Variants in MTMR2 observed in about 807,000 individuals in gnomAD.
MTMR2 encodes myotubularin related protein 2, also known as phosphatidylinositol-3,5-bisphosphate 3-phosphatase MTMR2.
MTMR2 carries 55 observed loss-of-function variants against 86.9 expected under a neutral mutation model. That is an observed-to-expected ratio of 0.63 (90% confidence interval 0.51 to 0.79). The LOEUF is 0.79. MTMR2 is among the 30% of genes least tolerant of loss of function. MTMR2 has a pLI of 0.00. For synonymous variants in MTMR2, 241 were observed against 266.8 expected (o/e 0.90, Z 0.94); for missense variants, 659 against 772.3 (o/e 0.85, Z 1.74).
At chr11:95,854,019 C>T (rs1300956549) in intron 7 of MTMR2, among the ~76,000 whole-genome samples, 1 of 152,120 alleles carries the variant, frequency 6.6e-6, no homozygotes, top group East Asian at 1.9e-4. Flanking sequence ...CCACTGTTCT[C>T]ATGGGGAATG....
intron 1 of MTMR2, among the ~76,000 whole-genome samples, chr11:95,910,665 A>T (rs1262590961): frequency 6.6e-6 from 1 of 152,152 alleles, no homozygotes; most frequent in Non-Finnish European, 1.5e-5. Context: ...TTCCGTAAAA[A>T]GAAAAGGTTC....
At position 95,833,688 on chromosome 11, in the gene MTMR2, T is replaced by C. The variant is rs1863125511; in HGVS notation, c.*1602A>G. ...TCTTTTATGTGGTATCAGGCCAAGA[T>C]AACCAAGGTTTAAATGAGGAAAATG... On this transcript the variant is annotated 3_prime_UTR_variant, in exon 15 of 15. Transcript: ENST00000346299. The C allele has an allele frequency of 6.6e-6, 1 of 152,136 alleles. No individual in the cohort carries two copies. The highest frequency in any genetic ancestry group is 6.6e-5 in the Admixed American group (1 of 15,248). 9.4% of individuals were successfully genotyped at this position (152,136 alleles called of 1,614,324 possible). A position where few individuals can be genotyped will look rare whatever the true frequency, so the allele number is the denominator to read the frequency against.
intron 1 of MTMR2, among the ~76,000 whole-genome samples, chr11:95,922,317 G>A (rs11021348): frequency 0.27 from 41,677 of 152,106 alleles, 6,841 homozygotes; most frequent in Non-Finnish European, 0.37. Flanking sequence ...CCTTGGATGA[G>A]AGTACTGGTT....
At chr11:95,857,467 T>C in intron 7 of MTMR2, 85 bp downstream of exon 7, 1 of 889,716 alleles carries the variant, frequency 1.1e-6, no homozygotes, top group Admixed American at 1.8e-5. Flanking sequence ...TGAGATATGC[T>C]GGTTTTCGTA....
intron 3 of MTMR2, among the ~76,000 whole-genome samples, chr11:95,864,076 G>A (rs547663420): frequency 1.3e-5 from 2 of 152,212 alleles, no homozygotes; most frequent in African/African-American, 2.4e-5. Context: ...GGAGTTAAAC[G>A]TGATGATTTC....
At position 95,859,197 on chromosome 11, in the gene MTMR2, T is replaced by C. The variant is rs571385500; in HGVS notation, c.469-565A>G. 2.0e-5 allele frequency among the ~76,000 whole-genome samples: 3 copies of C among 152,258 alleles called. No individual in the cohort carries two copies. In the East Asian group the frequency reaches 5.8e-4, roughly 29 times the overall value. Reference sequence around the variant, plus strand: ...GATAGAACTAAACCCTGCCTGAAAGTGTTCCTTCCTTCACTCCATAACCAC... The same window carrying C: ...GATAGAACTAAACCCTGCCTGAAAGCGTTCCTTCCTTCACTCCATAACCAC... On this transcript the variant is annotated intron_variant, in intron 5 of 14. Coordinates refer to ENST00000346299, the MANE Select transcript of MTMR2 (RefSeq NM_016156.6).
chr11:95,921,586 T>C (rs1368518626), intron 1 of MTMR2, among the ~76,000 whole-genome samples: 1 of 152,214 alleles, frequency 6.6e-6, no homozygotes, highest in Non-Finnish European at 1.5e-5. Flanking sequence ...AACTAGTGTC[T>C]ATAATGTATC....
intron 2 of MTMR2, among the ~76,000 whole-genome samples, chr11:95,887,027 G>T (rs920074253): frequency 6.6e-6 from 1 of 152,186 alleles, no homozygotes; most frequent in East Asian, 1.9e-4. Flanking sequence ...CTAATTTTTA[G>T]TGATGTTTAA....
intron 1 of MTMR2, among the ~76,000 whole-genome samples, chr11:95,899,580 T>C (rs866587665): frequency 1.3e-5 from 2 of 151,536 alleles, no homozygotes; most frequent in African/African-American, 4.9e-5. Context: ...ATGGGAGAGA[T>C]AGACTCCTTT....
intron 2 of MTMR2, among the ~76,000 whole-genome samples, chr11:95,872,188 T>C (rs952059781): frequency 2.6e-5 from 4 of 152,208 alleles, no homozygotes; most frequent in African/African-American, 7.2e-5. Context: ...GGGGATGGCA[T>C]TGAATCTATA....
intron 2 of MTMR2, among the ~76,000 whole-genome samples, chr11:95,875,411 G>A (rs1011219642): frequency 1.6e-4 from 24 of 151,950 alleles, no homozygotes; most frequent in African/African-American, 5.3e-4. Context: ...TTGTGCATTC[G>A]TCACGTAGTT....
rs1246777641 is a variant in MTMR2, at chr11:95,861,861, A to G, written c.468+131T>C. The stretch of plus-strand genomic sequence containing the variant: ...TGCTAAATTTTGTTTTCTTCTATCA[A>G]TGTCATACTAAAATAACATTTCTAA... On this transcript the variant is annotated intron_variant, in intron 5 of 14. Coordinates refer to ENST00000346299, the MANE Select transcript of MTMR2 (RefSeq NM_016156.6). The G allele has an allele frequency of 1.9e-5, 14 of 755,408 alleles. No homozygotes were observed. The Admixed American group carries it at 2.9e-4, about 16-fold the overall frequency. The allele number at this position is 755,408 out of a possible 1,614,324, so 46.8% of individuals were successfully genotyped here. A position where few individuals can be genotyped will look rare whatever the true frequency, so the allele number is the denominator to read the frequency against.
At chr11:95,901,116 T>C (rs937010237) in intron 1 of MTMR2, among the ~76,000 whole-genome samples, 14 of 152,208 alleles carry the variant, frequency 9.2e-5, no homozygotes, top group African/African-American at 2.2e-4. Context: ...ACCTTGCCTC[T>C]GTTCTCTCTT....
intron 1 of MTMR2, among the ~76,000 whole-genome samples, chr11:95,920,273 C>T: frequency 6.6e-6 from 1 of 152,066 alleles, no homozygotes; most frequent in East Asian, 1.9e-4. Context: ...TGAAGTATGG[C>T]AATATTAAGC....
intron 2 of MTMR2, among the ~76,000 whole-genome samples, chr11:95,871,869 C>T (rs1203941413): frequency 6.6e-6 from 1 of 151,904 alleles, no homozygotes; most frequent in African/African-American, 2.4e-5. Context: ...TGGTTTTAGG[C>T]CTAACATTTA....
At chr11:95,910,992 C>T (rs773604308) in intron 1 of MTMR2, among the ~76,000 whole-genome samples, 1 of 152,084 alleles carries the variant, frequency 6.6e-6, no homozygotes, top group African/African-American at 2.4e-5. Flanking sequence ...CCCCCCAAAA[C>T]AAATTAATTT....
Position 95,847,729 on chromosome 11 carries a change from C to A in MTMR2, c.1164G>T (p.Trp388Cys). Residue 388 changes from tryptophan (W) to cysteine (C), a missense_variant, in exon 10 of 15, where the codon TGG becomes TGT. Transcript: ENST00000346299. ...ACACACCCACCTTAATATGTTCTAG[C>A]CAATGAGTAGATTCCAAGTTAGACA... ...HWLSNLESTH[W>C]LEHIKLILAG... 1 of 1,612,918 alleles carries A rather than the reference C, an allele frequency of 6.2e-7. No individual in the cohort carries two copies. The highest frequency in any genetic ancestry group is 1.1e-5 in the South Asian group (1 of 91,058).
Position 95,859,198 on chromosome 11 carries a change from G to A in MTMR2, c.469-566C>T, listed in dbSNP as rs538801454. Among the ~76,000 whole-genome samples the A allele has an allele frequency of 2.0e-5, 3 of 152,184 alleles. No individual in the cohort carries two copies. In the South Asian group the frequency reaches 6.2e-4, roughly 32 times the overall value. ...ATAGAACTAAACCCTGCCTGAAAGTGTTCCTTCCTTCACTCCATAACCACA... is the reference window on the plus strand; with the variant it reads ...ATAGAACTAAACCCTGCCTGAAAGTATTCCTTCCTTCACTCCATAACCACA... On this transcript the variant is annotated intron_variant, in intron 5 of 14. Coordinates refer to ENST00000346299, the MANE Select transcript of MTMR2 (RefSeq NM_016156.6).
chr11:95,920,481 C>CTT (rs10572906), intron 1 of MTMR2, among the ~76,000 whole-genome samples: 1 of 141,708 alleles, frequency 7.1e-6, no homozygotes, highest in Non-Finnish European at 1.5e-5. Flanking sequence ...CTGACGATTA[C>CTT]TTTTTTTTTT....
Sources: gnomAD v4.1 joint callset for allele counts (sites outside exome capture counted in the v4.1 genomes callset) on GRCh38, gnomAD v4.1.1 for gene constraint, MANE v1.5 for transcripts, NCBI Gene and HGNC (gene_info 2026-07-23, HGNC 2026-07-21) for gene names.